Variants in ZNF385D observed in about 807,000 individuals in gnomAD.
ZNF385D encodes zinc finger protein 659.
In ZNF385D, 15 loss-of-function variants were observed where a neutral mutation model predicts 35.8. The observed-to-expected ratio is 0.42, with a 90% CI of 0.28 to 0.64. ZNF385D has a LOEUF of 0.64. ZNF385D is among the 30% of genes least tolerant of loss of function. The probability of loss-of-function intolerance (pLI) is 0.23; values close to 1 mark genes in which losing one functional copy is unlikely to be tolerated. For missense variants in ZNF385D, 474 were observed against 494.6 expected (o/e 0.96, Z 0.39); for synonymous variants, 212 against 186.8 (o/e 1.13, Z -1.10).
rs1455420131 is a variant in ZNF385D, at chr3:21,646,823, T to TAAG, written c.165+18060_165+18062dup. Among the ~76,000 whole-genome samples the TAAG allele has an allele frequency of 6.6e-5, 10 of 152,190 alleles. No individual in the cohort carries two copies. The highest frequency in any genetic ancestry group is 2.4e-4 in the African/African-American group (10 of 41,450). On this transcript the variant is annotated intron_variant, in intron 2 of 7. Coordinates refer to ENST00000281523, the MANE Select transcript of ZNF385D (RefSeq NM_024697.3). The surrounding 1 kb of genome is among the most constrained non-coding windows in gnomAD (Gnocchi z 4.3). ...TTCGGTCACAAATAGAAAGCAATGT[T>TAAG]AAGTCCTGGGTTGCTACCTGTAATG...
At position 22,244,499 on chromosome 3, in the gene ZNF385D, A is replaced by C. The variant is rs917914578; in HGVS notation, c.107-75464T>G. Reference sequence around the variant, plus strand: ...TCTTTTGTTACTTAAATAATATTCCAATCAGAATGAAACCCTTACTACTTT... The same window carrying C: ...TCTTTTGTTACTTAAATAATATTCCCATCAGAATGAAACCCTTACTACTTT... On this transcript the variant is annotated intron_variant, in intron 2 of 5. Transcript: ENST00000494108. Among the ~76,000 whole-genome samples, 25 of 150,914 alleles carry C rather than the reference A, an allele frequency of 1.7e-4. 1 individual carries two copies. The highest frequency in any genetic ancestry group is 5.4e-4 in the African/African-American group (22 of 40,786).
chr3:22,333,793 A>G (rs80248015), intron 2 of ZNF385D, among the ~76,000 whole-genome samples: 2,938 of 152,266 alleles, frequency 0.019, 88 homozygotes, highest in African/African-American at 0.065. Flanking sequence ...GAGTTGGTGC[A>G]GACACCCAGC....
chr3:22,171,273 G>C (rs11926377), intron 2 of ZNF385D, among the ~76,000 whole-genome samples: 2 of 152,016 alleles, frequency 1.3e-5, no homozygotes, highest in African/African-American at 2.4e-5. Context: ...GCATATATTT[G>C]GAAGAAAATA....
At chr3:21,757,407 T>C (rs1025066350) in intron 3 of ZNF385D, among the ~76,000 whole-genome samples, 14 of 152,294 alleles carry the variant, frequency 9.2e-5, no homozygotes, top group African/African-American at 3.4e-4. Flanking sequence ...CCTCCCAAAG[T>C]GCTGGGATTA....
At chr3:22,230,757 A>T (rs527266444) in intron 2 of ZNF385D, among the ~76,000 whole-genome samples, 1 of 152,318 alleles carries the variant, frequency 6.6e-6, no homozygotes, top group East Asian at 1.9e-4. Flanking sequence ...AGAAAAGTTT[A>T]TAGAGGAGTT....
At chr3:22,107,380 T>G (rs1702280900) in intron 3 of ZNF385D, among the ~76,000 whole-genome samples, 1 of 152,076 alleles carries the variant, frequency 6.6e-6, no homozygotes, top group African/African-American at 2.4e-5. Context: ...TGTTAAATTT[T>G]CTAGATTTTT....
At chr3:21,653,710 T>C (rs2065990224) in intron 2 of ZNF385D, among the ~76,000 whole-genome samples, 1 of 151,992 alleles carries the variant, frequency 6.6e-6, no homozygotes, top group African/African-American at 2.4e-5. Context: ...AAGGTGATTC[T>C]AAAAATCAAA....
intron 1 of ZNF385D, among the ~76,000 whole-genome samples, chr3:21,733,337 C>T (rs2069101787): frequency 6.6e-6 from 1 of 152,126 alleles, no homozygotes; most frequent in East Asian, 1.9e-4. Context: ...CAACTTTGTC[C>T]TCCTTCAATA....
chr3:21,977,126 T>C (rs1446807961), intron 3 of ZNF385D, among the ~76,000 whole-genome samples: 1 of 152,180 alleles, frequency 6.6e-6, no homozygotes, highest in East Asian at 1.9e-4. Flanking sequence ...CAGTATTAGG[T>C]GGAACTAATC....
chr3:21,731,105 T>C (rs977889191), intron 1 of ZNF385D, among the ~76,000 whole-genome samples: 1 of 152,214 alleles, frequency 6.6e-6, no homozygotes, highest in African/African-American at 2.4e-5. Context: ...AATATGATCA[T>C]TTTGTGCAGA....
At chr3:22,322,395 C>A (rs6774197) in intron 2 of ZNF385D, among the ~76,000 whole-genome samples, 43,674 of 151,670 alleles carry the variant, frequency 0.29, 6,781 homozygotes, top group African/African-American at 0.41. Flanking sequence ...TTCCTTCTGA[C>A]CTCCAGATAC....
At chr3:21,428,404 G>C (rs1203178798) in intron 5 of ZNF385D, among the ~76,000 whole-genome samples, 2 of 151,940 alleles carry the variant, frequency 1.3e-5, no homozygotes, top group Non-Finnish European at 2.9e-5. Flanking sequence ...GAAGTCCCTG[G>C]CAGAAAGAAA....
Position 22,015,758 on chromosome 3 carries a change from T to A in ZNF385D, c.325+153059A>T, listed in dbSNP as rs116242301. 6.8e-3 allele frequency among the ~76,000 whole-genome samples: 1,034 copies of A among 152,262 alleles called. 7 individuals carry two copies. The highest frequency in any genetic ancestry group is 0.012 in the Non-Finnish European group (838 of 67,990). On this transcript the variant is annotated intron_variant, in intron 3 of 5. Coordinates refer to the ZNF385D transcript ENST00000494108. ...TTCTTTCAGCATTACCTCTTCTAAT[T>A]GCTCTCCATCTCCTGGCTTTCCTAG...
intron 2 of ZNF385D, among the ~76,000 whole-genome samples, chr3:22,219,440 C>A (rs2125277062): frequency 6.6e-6 from 1 of 152,154 alleles, no homozygotes; most frequent in African/African-American, 2.4e-5. Context: ...GCCCTGTCAC[C>A]ATATATTTTA....
chr3:21,983,248 T>A (rs1248922860), intron 3 of ZNF385D, among the ~76,000 whole-genome samples: 12 of 145,260 alleles, frequency 8.3e-5, no homozygotes, highest in African/African-American at 3.0e-4. Flanking sequence ...TGTGCCATGC[T>A]GGTGCGCTGC....
chr3:22,176,648 G>T (rs758616419), intron 2 of ZNF385D, among the ~76,000 whole-genome samples: 2 of 152,112 alleles, frequency 1.3e-5, no homozygotes, highest in Non-Finnish European at 2.9e-5. Flanking sequence ...ATACAGAATG[G>T]AACTTTTAAA....
chr3:22,342,101 C>G (rs1266303369), intron 2 of ZNF385D, among the ~76,000 whole-genome samples: 1 of 151,810 alleles, frequency 6.6e-6, no homozygotes, highest in Non-Finnish European at 1.5e-5. Flanking sequence ...CGGTGAAACC[C>G]CGTCTCTACT....
intron 4 of ZNF385D, among the ~76,000 whole-genome samples, chr3:21,444,678 C>G (rs566933043): frequency 1.3e-5 from 2 of 152,268 alleles, no homozygotes; most frequent in African/African-American, 4.8e-5. Flanking sequence ...TGAGCCACTG[C>G]GCCCAGCTGA....
chr3:21,709,833 A>C (rs2068036159), intron 1 of ZNF385D, among the ~76,000 whole-genome samples: 1 of 152,220 alleles, frequency 6.6e-6, no homozygotes, highest in Admixed American at 6.5e-5. Context: ...ACTTTACGAA[A>C]AACCTATTTG....
Sources: gnomAD v4.1 joint callset for allele counts (sites outside exome capture counted in the v4.1 genomes callset) on GRCh38, gnomAD v4.1.1 for gene constraint, Gnocchi (gnomAD v3.1) non-coding constraint, MANE v1.5 for transcripts, NCBI Gene and HGNC (gene_info 2026-07-23, HGNC 2026-07-21) for gene names.